The following SCHIP1 variants were observed in gnomAD, a reference collection of about 807,000 sequenced individuals.
SCHIP1 encodes schwannomin-interacting protein 1.
Under a neutral mutation model 29.7 loss-of-function variants are expected in SCHIP1, and 8 were observed. The ratio of observed to expected loss-of-function variants is 0.27; its 90% CI spans 0.16 to 0.49. The LOEUF (loss-of-function observed/expected upper bound fraction) is 0.49, where lower values mean the gene tolerates loss of function less well. Among genes scored for constraint, SCHIP1 ranks in the 20% least tolerant of loss-of-function variants. The probability of loss-of-function intolerance (pLI) is 0.99; values close to 1 mark genes in which losing one functional copy is unlikely to be tolerated. For synonymous variants in SCHIP1, 76 were observed against 94.9 expected, an observed-to-expected ratio of 0.80 and a Z score of 1.16; for missense variants, 193 against 294.6, an observed-to-expected ratio of 0.66 and a Z score of 2.52.
At chr3:159,527,122 T>C in the SCHIP1 span, among the ~76,000 whole-genome samples, 1 of 152,162 alleles carries the variant, frequency 6.6e-6, no homozygotes, top group South Asian at 2.1e-4. Context: ...TTAGGGAAAA[T>C]TCCCTTTCAC....
At chr3:159,544,201 A>G in the SCHIP1 span, among the ~76,000 whole-genome samples, 3 of 152,096 alleles carry the variant, frequency 2.0e-5, no homozygotes, top group Admixed American at 2.0e-4. Context: ...GTGTATGTGT[A>G]TATATATATG....
chr3:159,695,137 GC>G, the SCHIP1 span, among the ~76,000 whole-genome samples: 50 of 152,260 alleles, frequency 3.3e-4, no homozygotes, highest in Non-Finnish European at 6.3e-4. Context: ...TGTGCAGGGG[GC>G]TGTGCTGTCA....
the SCHIP1 span, among the ~76,000 whole-genome samples, chr3:159,402,759 C>A: frequency 1.3e-5 from 2 of 152,010 alleles, no homozygotes; most frequent in Non-Finnish European, 2.9e-5. Context: ...GGAAGGCGAA[C>A]ATCACACACT....
At chr3:159,560,788 G>C in the SCHIP1 span, among the ~76,000 whole-genome samples, 1 of 151,902 alleles carries the variant, frequency 6.6e-6, no homozygotes, top group Admixed American at 6.6e-5. Context: ...ACAATACTGA[G>C]AGGCCTGCAG....
chr3:159,421,419 T>C, the SCHIP1 span, among the ~76,000 whole-genome samples: 1 of 152,212 alleles, frequency 6.6e-6, no homozygotes, highest in Non-Finnish European at 1.5e-5. Context: ...GAGACTATCA[T>C]ATACTCCTGG....
the SCHIP1 span, among the ~76,000 whole-genome samples, chr3:159,511,791 TC>T: frequency 6.6e-6 from 1 of 152,162 alleles, no homozygotes; most frequent in Non-Finnish European, 1.5e-5. Context: ...CTATTGATTT[TC>T]TAGAAAGAAA....
At chr3:159,790,092 A>C in the SCHIP1 span, among the ~76,000 whole-genome samples, 4 of 152,212 alleles carry the variant, frequency 2.6e-5, no homozygotes, top group Non-Finnish European at 4.4e-5. Context: ...GGATTAAGAC[A>C]GGGGCAACTT....
At chr3:159,689,319 T>C in the SCHIP1 span, among the ~76,000 whole-genome samples, 1 of 152,224 alleles carries the variant, frequency 6.6e-6, no homozygotes, top group African/African-American at 2.4e-5. Context: ...TCACATCCCT[T>C]GTAAGTTGTA....
chr3:159,597,559 T>C, the SCHIP1 span, among the ~76,000 whole-genome samples: 1 of 152,200 alleles, frequency 6.6e-6, no homozygotes, highest in Non-Finnish European at 1.5e-5. Context: ...TTATTTCACT[T>C]AAGATAATGA....
At chr3:159,686,228 C>G in the SCHIP1 span, among the ~76,000 whole-genome samples, 1 of 152,194 alleles carries the variant, frequency 6.6e-6, no homozygotes, top group East Asian at 1.9e-4. Flanking sequence ...GGAAATCCAG[C>G]CCTGAGAGGC....
chr3:159,886,406 G>T, intron 3 of SCHIP1, 82 bp downstream of exon 4: 1 of 1,256,860 alleles, frequency 8.0e-7, no homozygotes, highest in Non-Finnish European at 1.1e-6. Flanking sequence ...AGGTGAATCA[G>T]GAACAAACAT....
the SCHIP1 span, among the ~76,000 whole-genome samples, chr3:159,820,090 A>T: frequency 6.6e-6 from 1 of 152,184 alleles, no homozygotes; most frequent in Non-Finnish European, 1.5e-5. Flanking sequence ...TGAAAGCTGT[A>T]CAAGGTTACA....
the SCHIP1 span, among the ~76,000 whole-genome samples, chr3:159,507,648 C>T: frequency 2.0e-5 from 3 of 152,140 alleles, no homozygotes; most frequent in Non-Finnish European, 4.4e-5. Context: ...CCCATCAATA[C>T]CTAACTTATT....
chr3:159,453,333 G>T, the SCHIP1 span, among the ~76,000 whole-genome samples: 2 of 152,184 alleles, frequency 1.3e-5, no homozygotes, highest in Non-Finnish European at 2.9e-5. Context: ...TTTTTCCAGG[G>T]AGATAAGCCA....
the SCHIP1 span, among the ~76,000 whole-genome samples, chr3:159,533,659 A>G: frequency 2.0e-5 from 3 of 152,136 alleles, no homozygotes; most frequent in African/African-American, 7.2e-5. Flanking sequence ...GTTCTTTAAT[A>G]CAGAGGCAGT....
the SCHIP1 span, among the ~76,000 whole-genome samples, chr3:159,300,302 A>G: frequency 1.3e-5 from 2 of 151,396 alleles, no homozygotes; most frequent in African/African-American, 4.9e-5. Flanking sequence ...GTTTTTAAAA[A>G]GATTTTTTTT....
chr3:159,673,913 G>A, the SCHIP1 span, among the ~76,000 whole-genome samples: 4,433 of 152,246 alleles, frequency 0.029, 231 homozygotes, highest in African/African-American at 0.1. Flanking sequence ...CAAGCCAGTC[G>A]CTGCCATCAG....
chr3:159,742,893 G>C, the SCHIP1 span, among the ~76,000 whole-genome samples: 4 of 144,296 alleles, frequency 2.8e-5, no homozygotes, highest in Non-Finnish European at 6.0e-5. Context: ...TGCCATGTTG[G>C]CCAGCCTGGT....
chr3:159,511,480 C>T, the SCHIP1 span, among the ~76,000 whole-genome samples: 2 of 152,168 alleles, frequency 1.3e-5, no homozygotes, highest in Non-Finnish European at 2.9e-5. Flanking sequence ...CTGTCCTGCC[C>T]CCACTGTTCA....
Sources: gnomAD v4.1 joint callset for allele counts (sites outside exome capture counted in the v4.1 genomes callset) on GRCh38, gnomAD v4.1.1 for gene constraint, MANE v1.5 for transcripts, NCBI Gene and HGNC (gene_info 2026-07-23, HGNC 2026-07-21) for gene names.